Variants in KCNQ3 observed in about 807,000 individuals in gnomAD.
KCNQ3 encodes potassium voltage-gated channel subfamily KQT member 3.
Under a neutral mutation model 92.5 loss-of-function variants are expected in KCNQ3, and 30 were observed. That is an observed-to-expected ratio of 0.32 (90% CI 0.24 to 0.44). The LOEUF (loss-of-function observed/expected upper bound fraction) is 0.44. Ranked by LOEUF, KCNQ3 falls within the 20% of genes least tolerant of loss-of-function variation. The pLI, the probability that KCNQ3 is intolerant of heterozygous loss-of-function variation, is 1.00. For synonymous variants in KCNQ3, 450 were observed against 468.8 expected (o/e 0.96, Z 0.52); for missense variants, 913 against 1,140.3 (o/e 0.80, Z 2.87).
At chr8:132,236,213 T>C (rs1814809663) in intron 1 of KCNQ3, among the ~76,000 whole-genome samples, 1 of 152,200 alleles carries the variant, frequency 6.6e-6, no homozygotes, top group Admixed American at 6.5e-5. Context: ...GGGATCCAAA[T>C]TGCAAAGGGC....
At chr8:132,138,830 C>T (rs1825190790) in intron 11 of KCNQ3, among the ~76,000 whole-genome samples, 1 of 152,196 alleles carries the variant, frequency 6.6e-6, no homozygotes. Context: ...GTGGCTTCAG[C>T]CTCTAAACAT....
chr8:132,303,699 A>AC (rs1271892774), intron 1 of KCNQ3, among the ~76,000 whole-genome samples: 10 of 123,572 alleles, frequency 8.1e-5, no homozygotes, highest in African/African-American at 2.8e-4. Flanking sequence ...GCCACACCAC[A>AC]CACACACATA....
chr8:132,442,658 C>T (rs929612463), intron 1 of KCNQ3, among the ~76,000 whole-genome samples: 8 of 152,170 alleles, frequency 5.3e-5, no homozygotes, highest in Non-Finnish European at 7.3e-5. Flanking sequence ...CCCGGGGAGC[C>T]GCATGAGCTC....
At chr8:132,365,944 T>C (rs2130730623) in intron 1 of KCNQ3, among the ~76,000 whole-genome samples, 1 of 152,268 alleles carries the variant, frequency 6.6e-6, no homozygotes, top group African/African-American at 2.4e-5. Flanking sequence ...GGAGGGAGGA[T>C]GGTTTGAGCC....
At chr8:132,327,797 T>C (rs1818102463) in intron 1 of KCNQ3, among the ~76,000 whole-genome samples, 1 of 152,080 alleles carries the variant, frequency 6.6e-6, no homozygotes, top group African/African-American at 2.4e-5. Context: ...TGAAAGGAGC[T>C]TAAATGTGTG....
Position 132,255,927 on chromosome 8 carries a change from T to C in KCNQ3, c.387-69746A>G, listed in dbSNP as rs559246484. Among the ~76,000 whole-genome samples, 15 of 152,134 alleles carry C rather than the reference T, an allele frequency of 9.9e-5. No homozygotes were observed. The East Asian group carries it at 2.9e-3, about 29-fold the overall frequency. On this transcript the variant is annotated intron_variant, in intron 1 of 14. Coordinates refer to ENST00000388996, the MANE Select transcript of KCNQ3 (RefSeq NM_004519.4). ...TTAAAATGTCCAGTTTCAAAAACAA[T>C]GAGCTATGCAAAGAACAAAATGTAT...
intron 1 of KCNQ3, among the ~76,000 whole-genome samples, chr8:132,220,638 A>T (rs1814195218): frequency 6.6e-6 from 1 of 152,224 alleles, no homozygotes; most frequent in East Asian, 1.9e-4. Context: ...AATTCCAGCT[A>T]CTCAGGAGGC....
At chr8:132,349,095 C>T (rs1024452624) in intron 1 of KCNQ3, among the ~76,000 whole-genome samples, 26 of 152,196 alleles carry the variant, frequency 1.7e-4, no homozygotes, top group Non-Finnish European at 2.9e-4. Context: ...TCCTGGAGAG[C>T]CCTTCCACAC....
At chr8:132,425,762 C>G (rs929033602) in intron 1 of KCNQ3, among the ~76,000 whole-genome samples, 10 of 152,192 alleles carry the variant, frequency 6.6e-5, no homozygotes, top group African/African-American at 1.2e-4. Context: ...ATCTACTCTA[C>G]TCATTTGTAT....
chr8:132,478,989 G>GT (rs1280100609), intron 1 of KCNQ3, among the ~76,000 whole-genome samples: 6 of 151,326 alleles, frequency 4.0e-5, no homozygotes, highest in African/African-American at 1.5e-4. Flanking sequence ...GGGAGGGGGG[G>GT]TTGCCAAGGT....
chr8:132,140,326 A>C, intron 10 of KCNQ3, 148 bp from the exon 11 acceptor site: 310 of 612,638 alleles, frequency 5.1e-4, no homozygotes, highest in East Asian at 8.8e-4. Flanking sequence ...CGGTATTCTC[A>C]AGCTGTGATG....
chr8:132,139,945 A>ACTC lies in KCNQ3; in HGVS notation c.1568+128_1568+130dup. The ACTC allele has an allele frequency of 4.5e-6, 3 of 660,158 alleles. No homozygotes were observed. In the South Asian group the frequency reaches 5.6e-5, roughly 12 times the overall value. 40.9% of individuals were successfully genotyped at this position (660,158 alleles called of 1,614,324 possible). ...AGTATTTACATACTTCAGGGACCTA[A>ACTC]CTCAGGGTTAGTGGAGGGGCTTCTC... On this transcript the variant is annotated intron_variant, in intron 11 of 14. Coordinates refer to ENST00000388996, the MANE Select transcript of KCNQ3 (RefSeq NM_004519.4).
At chr8:132,211,487 G>A (rs1813850958) in intron 1 of KCNQ3, among the ~76,000 whole-genome samples, 1 of 152,028 alleles carries the variant, frequency 6.6e-6, no homozygotes, top group African/African-American at 2.4e-5. Flanking sequence ...GGCTCCATTT[G>A]CCTGTTTAGT....
At chr8:132,255,145 T>A (rs1420673850) in intron 1 of KCNQ3, among the ~76,000 whole-genome samples, 3 of 151,446 alleles carry the variant, frequency 2.0e-5, no homozygotes, top group Non-Finnish European at 4.4e-5. Flanking sequence ...TAAAAACCAA[T>A]GGCTCCAAAA....
chr8:132,348,836 T>A (rs1010693413), intron 1 of KCNQ3, among the ~76,000 whole-genome samples: 1 of 152,238 alleles, frequency 6.6e-6, no homozygotes, highest in Non-Finnish European at 1.5e-5. Context: ...TGGTAGTGAA[T>A]GTCCGCATTT....
chr8:132,141,391 C>A, intron 9 of KCNQ3, 60 bp from the exon 10 acceptor site: 1 of 1,446,578 alleles, frequency 6.9e-7, no homozygotes, highest in South Asian at 1.2e-5. Flanking sequence ...TAAAATTTCC[C>A]ATCCCTCCAT....
chr8:132,400,608 G>A (rs1183356649), intron 1 of KCNQ3, among the ~76,000 whole-genome samples: 2 of 152,232 alleles, frequency 1.3e-5, no homozygotes, highest in Non-Finnish European at 2.9e-5. Context: ...GGAAGCCCAC[G>A]TGGGTACAGG....
chr8:132,355,686 T>G (rs1211710515), intron 1 of KCNQ3, among the ~76,000 whole-genome samples: 1 of 152,056 alleles, frequency 6.6e-6, no homozygotes, highest in Admixed American at 6.5e-5. Context: ...GGGATCTGAG[T>G]GTTCCCCTGG....
At chr8:132,181,399 T>C (rs1170691052) in intron 3 of KCNQ3, among the ~76,000 whole-genome samples, 2 of 152,178 alleles carry the variant, frequency 1.3e-5, no homozygotes, top group African/African-American at 2.4e-5. Context: ...GTGTCACTAA[T>C]TTTTTTATTG....
Sources: gnomAD v4.1 joint callset for allele counts (sites outside exome capture counted in the v4.1 genomes callset) on GRCh38, gnomAD v4.1.1 for gene constraint, MANE v1.5 for transcripts, NCBI Gene and HGNC (gene_info 2026-07-23, HGNC 2026-07-21) for gene names.